The following CFDP1 variants were observed in gnomAD, a reference collection of about 807,000 sequenced individuals.
The protein encoded by CFDP1 is chromatin remodeling protein CFDP1, also known as heterochromatin-stabilizing protein CFDP1.
CFDP1 carries 31 observed loss-of-function variants against 40.1 expected under a neutral mutation model. The ratio of observed to expected loss-of-function variants is 0.77; its 90% CI spans 0.58 to 1.04. The LOEUF (loss-of-function observed/expected upper bound fraction) is 1.04. CFDP1 is among the 50% of genes least tolerant of loss of function. The pLI is 0.00. For synonymous variants in CFDP1, 167 were observed against 120.0 expected, an observed-to-expected ratio of 1.39 and a Z score of -2.56; for missense variants, 423 against 343.4, an observed-to-expected ratio of 1.23 and a Z score of -1.83.
intron 1 of CFDP1, among the ~76,000 whole-genome samples, chr16:75,427,632 T>C (rs2454860): frequency 0.92 from 139,346 of 152,234 alleles, 63,793 homozygotes; most frequent in East Asian, 1. Flanking sequence ...AAGAGCAACT[T>C]GAACTCTCAA....
At position 75,343,075 on chromosome 16, in the gene CFDP1, G is replaced by C. The variant is rs149798727; in HGVS notation, c.651-37893C>G. On this transcript the variant is annotated intron_variant, in intron 5 of 6. Coordinates refer to ENST00000283882, the MANE Select transcript of CFDP1 (RefSeq NM_006324.3). ...CTGGAAGAAAACAACTAGATTTAAGGTCAGGACTATTAGTGAACAAACCCC... is the reference window on the plus strand; with the variant it reads ...CTGGAAGAAAACAACTAGATTTAAGCTCAGGACTATTAGTGAACAAACCCC... Among the ~76,000 whole-genome samples the C allele has an allele frequency of 3.7e-3, 557 of 152,170 alleles. 3 individuals carry two copies. The highest frequency in any genetic ancestry group is 0.013 in the African/African-American group (536 of 41,506).
chr16:75,412,331 T>TA (rs2079170172), intron 3 of CFDP1, among the ~76,000 whole-genome samples: 1 of 152,216 alleles, frequency 6.6e-6, no homozygotes, highest in South Asian at 2.1e-4. Context: ...TAGCTACTCT[T>TA]AAATGTTTCA....
intron 1 of CFDP1, among the ~76,000 whole-genome samples, chr16:75,431,719 C>G (rs889120427): frequency 3.3e-5 from 5 of 152,016 alleles, no homozygotes; most frequent in Admixed American, 2.0e-4. Flanking sequence ...TGGGGAGGCC[C>G]CGAAGGTGGA....
intron 4 of CFDP1, among the ~76,000 whole-genome samples, chr16:75,396,417 T>C (rs459128): frequency 0.054 from 5,496 of 102,402 alleles, 1,993 homozygotes; most frequent in South Asian, 0.11. Context: ...CAGGCGCCTG[T>C]AATCACAGCT....
chr16:75,328,981 G>C (rs1567647186), intron 5 of CFDP1, among the ~76,000 whole-genome samples: 1 of 151,954 alleles, frequency 6.6e-6, no homozygotes, highest in African/African-American at 2.4e-5. Context: ...CGAGCAGCTG[G>C]GACTACAGGC....
intron 1 of CFDP1, among the ~76,000 whole-genome samples, chr16:75,423,516 GT>G (rs368710500): frequency 4.0e-5 from 6 of 150,092 alleles, no homozygotes; most frequent in Non-Finnish European, 5.9e-5. Flanking sequence ...GGCGAGGTTG[GT>G]TTTTTTTTGT....
chr16:75,369,015 T>A (rs1445438338), intron 5 of CFDP1, among the ~76,000 whole-genome samples: 3 of 152,184 alleles, frequency 2.0e-5, no homozygotes, highest in Non-Finnish European at 2.9e-5. Context: ...CACAAACATG[T>A]CTTGCTTTAT....
At chr16:75,295,488 TACTC>T (rs1284421607) in intron 6 of CFDP1, among the ~76,000 whole-genome samples, 1 of 152,234 alleles carries the variant, frequency 6.6e-6, no homozygotes, top group Non-Finnish European at 1.5e-5. Context: ...ACAGAGCAGG[TACTC>T]AATAAAATGA....
intron 5 of CFDP1, among the ~76,000 whole-genome samples, chr16:75,317,013 T>C (rs1411772704): frequency 6.6e-6 from 1 of 151,710 alleles, no homozygotes; most frequent in South Asian, 2.1e-4. Context: ...TAAATAAAAA[T>C]AAAAATAAAA....
intron 5 of CFDP1, among the ~76,000 whole-genome samples, chr16:75,310,851 C>T (rs116970594): frequency 0.011 from 1,625 of 152,280 alleles, 9 homozygotes; most frequent in Non-Finnish European, 0.016. Flanking sequence ...TTAAAATCAT[C>T]CCCAGGTACC....
intron 5 of CFDP1, among the ~76,000 whole-genome samples, chr16:75,319,214 T>G (rs1294130858): frequency 6.6e-6 from 1 of 152,078 alleles, no homozygotes; most frequent in Non-Finnish European, 1.5e-5. Flanking sequence ...CAGCTAATTT[T>G]TGTATTTTTA....
At chr16:75,425,908 C>T (rs2079336642) in intron 1 of CFDP1, among the ~76,000 whole-genome samples, 2 of 149,040 alleles carry the variant, frequency 1.3e-5, no homozygotes, top group South Asian at 2.1e-4. Context: ...TGGTGGCAGG[C>T]GCCTATAATC....
intron 6 of CFDP1, among the ~76,000 whole-genome samples, chr16:75,296,407 T>C (rs774020705): frequency 3.9e-5 from 6 of 152,084 alleles, no homozygotes; most frequent in Admixed American, 6.5e-5. Context: ...CTGGCTAATT[T>C]TAAATCTTTT....
chr16:75,381,578 CCAG>C lies in CFDP1; in HGVS notation c.650+13509_650+13511del, dbSNP rs1267563021. Among the ~76,000 whole-genome samples the C allele has an allele frequency of 1.6e-4, 24 of 152,172 alleles. No individual in the cohort carries two copies. In the East Asian group the frequency reaches 4.2e-3, roughly 27 times the overall value. On this transcript the variant is annotated intron_variant, in intron 5 of 6. Coordinates refer to ENST00000283882, the MANE Select transcript of CFDP1 (RefSeq NM_006324.3). Reference sequence around the variant, plus strand: ...TCTACCAACGACAGGCAGTTTTGGCCCAGCAGATGAGAACACTAGACTGGAAAG... The same window carrying C: ...TCTACCAACGACAGGCAGTTTTGGCCCAGATGAGAACACTAGACTGGAAAG...
intron 5 of CFDP1, among the ~76,000 whole-genome samples, chr16:75,308,846 T>G (rs1043281670): frequency 6.6e-6 from 1 of 152,194 alleles, no homozygotes; most frequent in Non-Finnish European, 1.5e-5. Flanking sequence ...ACTTGATTTT[T>G]TGATGCACAG....
At chr16:75,375,338 G>A (rs2078784025) in intron 5 of CFDP1, among the ~76,000 whole-genome samples, 1 of 152,186 alleles carries the variant, frequency 6.6e-6, no homozygotes, top group East Asian at 1.9e-4. Flanking sequence ...CAGAATATAA[G>A]AAGAACTCCT....
At chr16:75,296,535 T>C (rs1246955966) in intron 6 of CFDP1, among the ~76,000 whole-genome samples, 2 of 152,198 alleles carry the variant, frequency 1.3e-5, no homozygotes, top group Admixed American at 6.5e-5. Flanking sequence ...GGCCCAGCCC[T>C]GACTTTCCTG....
chr16:75,351,599 A>G (rs2078611430), intron 5 of CFDP1, among the ~76,000 whole-genome samples: 4 of 152,238 alleles, frequency 2.6e-5, no homozygotes, highest in Non-Finnish European at 4.4e-5. Flanking sequence ...TCATGAGTTC[A>G]TAATAAAAAA....
chr16:75,305,599 T>C (rs2078251473), intron 5 of CFDP1, among the ~76,000 whole-genome samples: 1 of 152,172 alleles, frequency 6.6e-6, no homozygotes, highest in Admixed American at 6.5e-5. Flanking sequence ...ACAAAGCAAA[T>C]GCTTACTCAC....
Sources: gnomAD v4.1 joint callset for allele counts (sites outside exome capture counted in the v4.1 genomes callset) on GRCh38, gnomAD v4.1.1 for gene constraint, MANE v1.5 for transcripts, NCBI Gene and HGNC (gene_info 2026-07-23, HGNC 2026-07-21) for gene names.